Variants in SPHKAP observed in about 807,000 individuals in gnomAD.
SPHKAP encodes the protein A-kinase anchor protein SPHKAP.
A neutral mutation model predicts 137.5 loss-of-function variants in SPHKAP; 67 were observed. The ratio of observed to expected loss-of-function variants is 0.49; its 90% CI spans 0.40 to 0.60. The LOEUF (loss-of-function observed/expected upper bound fraction) is 0.60, where lower values mean the gene tolerates loss of function less well. Among genes scored for constraint, SPHKAP ranks in the 20% least tolerant of loss-of-function variants. The pLI is 0.00. For missense variants in SPHKAP, 2,097 were observed against 2,069.3 expected, an observed-to-expected ratio of 1.01 and a Z score of -0.26; for synonymous variants, 813 against 785.3, an observed-to-expected ratio of 1.04 and a Z score of -0.59.
At chr2:228,066,619 G>T (rs1308497093) in intron 3 of SPHKAP, among the ~76,000 whole-genome samples, 2 of 152,172 alleles carry the variant, frequency 1.3e-5, no homozygotes, top group African/African-American at 2.4e-5. Flanking sequence ...CTGCGTGGGG[G>T]CAGTGGAGCC....
At chr2:228,141,484 T>C (rs1699605863) in intron 1 of SPHKAP, among the ~76,000 whole-genome samples, 1 of 152,214 alleles carries the variant, frequency 6.6e-6, no homozygotes, top group South Asian at 2.1e-4. Context: ...ATATTCAACA[T>C]TAATATATGC....
At chr2:228,146,202 A>G (rs191409159) in intron 1 of SPHKAP, among the ~76,000 whole-genome samples, 238 of 152,228 alleles carry the variant, frequency 1.6e-3, no homozygotes, top group Middle Eastern at 3.4e-3. Context: ...CCCATTGTCA[A>G]TATCCCCAGC....
At chr2:228,119,276 T>C (rs67606545) in intron 2 of SPHKAP, among the ~76,000 whole-genome samples, 51,979 of 151,658 alleles carry the variant, frequency 0.34, 9,129 homozygotes, top group East Asian at 0.5. Flanking sequence ...GGGAAAAGAA[T>C]CTTTTATCCT....
At chr2:227,997,696 C>T (rs1693687061) in intron 7 of SPHKAP, among the ~76,000 whole-genome samples, 1 of 152,154 alleles carries the variant, frequency 6.6e-6, no homozygotes, top group Non-Finnish European at 1.5e-5. Context: ...AGCTGGAGCT[C>T]TCTCCCTTGA....
In SPHKAP at chr2:228,018,328, A is replaced by G. The variant is rs201956147; in HGVS notation, c.2526T>C (p.Asp842=). ...EIYLKGIAGE[D]TKSPHHSENE... ...TCTCACTGTGATGAGGGCTTTTTGTATCCTCTCCTGCTATTCCTTTCAGAT... is the reference window on the plus strand; with the variant it reads ...TCTCACTGTGATGAGGGCTTTTTGTGTCCTCTCCTGCTATTCCTTTCAGAT... The change falls in exon 7 of 12, where the codon GAT becomes GAC. Residue 842 remains aspartate (D), a synonymous_variant. Transcript: ENST00000392056. The G allele has an allele frequency of 4.6e-4, 740 of 1,614,132 alleles. 6 individuals are homozygous for G. Among genetic ancestry groups the G allele is most frequent in the Non-Finnish European group, 7.6e-5 (90 of 1,180,024 alleles).
rs776914770 is a variant in SPHKAP, at chr2:228,018,251, G to T, written c.2603C>A (p.Ser868Tyr). ...CTCAGCCTCCTGGGAACCACTTCTG[G>T]ACTGGCTGACCGTTGGGGACCTTTG... ...EGQRSPTVSQ[S>Y]RSGSQEAEES... The change falls in exon 7 of 12, where the codon TCC becomes TAC. Residue 868 changes from serine (S) to tyrosine (Y), a missense_variant. Coordinates refer to ENST00000392056, the MANE Select transcript of SPHKAP (RefSeq NM_001142644.2). The T allele has an allele frequency of 3.7e-6, 6 of 1,614,036 alleles. No individual in the cohort carries two copies. The highest frequency in any genetic ancestry group is 3.3e-4 in the Middle Eastern group (2 of 6,084).
intron 3 of SPHKAP, among the ~76,000 whole-genome samples, chr2:228,044,965 G>A (rs1318060469): frequency 1.3e-5 from 2 of 152,052 alleles, no homozygotes; most frequent in African/African-American, 4.8e-5. Flanking sequence ...CTCAAAAGAA[G>A]ACATTTATGC....
At chr2:228,165,310 T>A (rs1214532070) in intron 1 of SPHKAP, among the ~76,000 whole-genome samples, 2 of 152,172 alleles carry the variant, frequency 1.3e-5, no homozygotes, top group East Asian at 3.9e-4. Context: ...TCTAATCCAA[T>A]TGATCTATGT....
chr2:228,007,622 ATGT>A (rs1407788416), intron 7 of SPHKAP, among the ~76,000 whole-genome samples: 1 of 152,074 alleles, frequency 6.6e-6, no homozygotes, highest in African/African-American at 2.4e-5. Context: ...AGGTTCATTC[ATGT>A]TGTCACAAAT....
At chr2:227,988,385 C>T (rs1012843301) in intron 11 of SPHKAP, among the ~76,000 whole-genome samples, 2 of 152,078 alleles carry the variant, frequency 1.3e-5, no homozygotes, top group South Asian at 2.1e-4. Context: ...ATAACATTAG[C>T]GGAATGTCTA....
At chr2:228,023,030 A>C (rs993012378) in intron 5 of SPHKAP, among the ~76,000 whole-genome samples, 1 of 152,184 alleles carries the variant, frequency 6.6e-6, no homozygotes, top group African/African-American at 2.4e-5. Context: ...AAGAGGCCCA[A>C]ATTATAGAAT....
At chr2:228,002,826 TC>T (rs1459702576) in intron 7 of SPHKAP, among the ~76,000 whole-genome samples, 1 of 152,232 alleles carries the variant, frequency 6.6e-6, no homozygotes, top group African/African-American at 2.4e-5. Flanking sequence ...AAATAGGGAA[TC>T]CTTTCCCCAT....
intron 1 of SPHKAP, among the ~76,000 whole-genome samples, chr2:228,145,984 C>T (rs1340063513): frequency 6.6e-6 from 1 of 152,162 alleles, no homozygotes; most frequent in East Asian, 1.9e-4. Context: ...ACATGATCCT[C>T]GGATAACAAA....
chr2:227,991,290 C>T lies in SPHKAP; in HGVS notation c.4758G>A (p.Gln1586=). ...LVEEKKILKG[Q]SESTEAPASG... ...GTGGCTTACCCTCTGTGCTTTCTGA[C>T]TGTCCTTTAAGAATCTTCTTTTCTT... The change falls in exon 10 of 12, where the codon CAG becomes CAA. Residue 1586 remains glutamine (Q), a synonymous_variant. Coordinates refer to ENST00000392056, the MANE Select transcript of SPHKAP (RefSeq NM_001142644.2). The T allele has an allele frequency of 6.2e-7, 1 of 1,614,230 alleles. No homozygotes were observed. The highest frequency in any genetic ancestry group is 8.5e-7 in the Non-Finnish European group (1 of 1,180,026).
At chr2:228,118,619 A>G (rs1316011635) in intron 2 of SPHKAP, among the ~76,000 whole-genome samples, 1 of 152,022 alleles carries the variant, frequency 6.6e-6, no homozygotes, top group Non-Finnish European at 1.5e-5. Context: ...CCATTTTAAG[A>G]TATCTTTTTT....
intron 2 of SPHKAP, 37 bp downstream of exon 2, chr2:228,131,943 C>T (rs199781092): frequency 1.9e-6 from 3 of 1,596,708 alleles, no homozygotes; most frequent in East Asian, 2.2e-5. Flanking sequence ...TATTCAAGTT[C>T]AACTGACAAG....
intron 1 of SPHKAP, chr2:228,169,786 G>A (rs1186490047): frequency 6.6e-6 from 1 of 151,964 alleles, no homozygotes. Flanking sequence ...GAATGATACA[G>A]AGAAGATTAG....
chr2:228,008,861 C>T (rs776082566), intron 7 of SPHKAP, among the ~76,000 whole-genome samples: 10 of 152,154 alleles, frequency 6.6e-5, no homozygotes, highest in Non-Finnish European at 1.3e-4. Context: ...ATACCACACT[C>T]TCTTGACTAC....
intron 3 of SPHKAP, among the ~76,000 whole-genome samples, chr2:228,056,751 A>G (rs762270176): frequency 6.6e-6 from 1 of 152,192 alleles, no homozygotes; most frequent in Non-Finnish European, 1.5e-5. Context: ...ACTTTAAAGT[A>G]TGGATAGATA....
Sources: gnomAD v4.1 joint callset for allele counts (sites outside exome capture counted in the v4.1 genomes callset) on GRCh38, gnomAD v4.1.1 for gene constraint, MANE v1.5 for transcripts, NCBI Gene and HGNC (gene_info 2026-07-23, HGNC 2026-07-21) for gene names.